Variants in TIMP2 observed in about 807,000 individuals in gnomAD.
The protein encoded by TIMP2 is TIMP metallopeptidase inhibitor 2.
TIMP2 carries 5 observed loss-of-function variants against 24.3 expected under a neutral mutation model. The ratio of observed to expected loss-of-function variants is 0.21; its 90% confidence interval spans 0.11 to 0.43. The LOEUF (loss-of-function observed/expected upper bound fraction) is 0.43. TIMP2 is among the 20% of genes least tolerant of loss of function. The pLI is 1.00. For synonymous variants in TIMP2, 130 were observed against 123.2 expected (o/e 1.06, Z -0.37); for missense variants, 221 against 297.5 (o/e 0.74, Z 1.89).
chr17:78,907,285 C>T (rs570107226), intron 1 of TIMP2, among the ~76,000 whole-genome samples: 62 of 152,318 alleles, frequency 4.1e-4, no homozygotes, highest in African/African-American at 1.4e-3. Flanking sequence ...ATCCTCCCGC[C>T]TCAGCCTCCC....
intron 1 of TIMP2, among the ~76,000 whole-genome samples, chr17:78,900,544 CAA>C (rs35575848): frequency 0.076 from 11,090 of 145,040 alleles, 462 homozygotes; most frequent in Middle Eastern, 0.12. Context: ...GACTCCATTT[CAA>C]AAAAAAAAAA....
At chr17:78,890,186 G>A (rs1252895062) in intron 1 of TIMP2, among the ~76,000 whole-genome samples, 2 of 151,438 alleles carry the variant, frequency 1.3e-5, no homozygotes, top group African/African-American at 2.4e-5. Context: ...CCTGGAGGAC[G>A]GTATAATGAC....
At chr17:78,867,727 C>T (rs2069630415) in intron 3 of TIMP2, among the ~76,000 whole-genome samples, 1 of 151,614 alleles carries the variant, frequency 6.6e-6, no homozygotes, top group Non-Finnish European at 1.5e-5. Context: ...TCTTGAGTAG[C>T]TGGGACTACA....
rs117323169 is a variant in TIMP2, at chr17:78,879,543, G to A, written c.131-5624C>T. ...CAGCCCATCTCCTGTCCATGCCCCC[G>A]AGAGGGGCTGCTCTGCTCCTCTGCC... On this transcript the variant is annotated intron_variant, in intron 1 of 4. Coordinates refer to ENST00000262768, the MANE Select transcript of TIMP2 (RefSeq NM_003255.5). Among the ~76,000 whole-genome samples the A allele has an allele frequency of 2.0e-3, 311 of 152,292 alleles. 6 individuals carry two copies. In the East Asian group the frequency reaches 0.051, roughly 25 times the overall value.
At position 78,920,061 on chromosome 17, in the gene TIMP2, C is replaced by G. The variant is rs1053854463; in HGVS notation, c.130+4898G>C. 3.9e-5 allele frequency among the ~76,000 whole-genome samples: 6 copies of G among 152,198 alleles called. No individual in the cohort carries two copies. Among genetic ancestry groups the G allele is most frequent in the Admixed American group, 3.9e-4 (6 of 15,272 alleles). Reference sequence around the variant, plus strand: ...TGCCTGGGAAGCCTCGGGCAGACCTCTTTGTTGTTTCCGAACCCAAGACGT... The same window carrying G: ...TGCCTGGGAAGCCTCGGGCAGACCTGTTTGTTGTTTCCGAACCCAAGACGT... On this transcript the variant is annotated intron_variant, in intron 1 of 4. Transcript: ENST00000262768. The surrounding 1 kb of genome is among the most constrained non-coding windows in gnomAD (Gnocchi z 4.5).
chr17:78,891,340 C>A lies in TIMP2; in HGVS notation c.131-17421G>T. On this transcript the variant is annotated intron_variant, in intron 1 of 4. Transcript: ENST00000262768. This position sits in a 1 kb window ranked among gnomAD's most constrained non-coding sequence, Gnocchi z 4.5. The stretch of plus-strand genomic sequence containing the variant: ...CTGCCATTTTCTTCCCTCTTGGGGT[C>A]CCAGCGCCACACTCTTGCATCTCTG... 6.5e-7 allele frequency: 1 copy of A among 1,546,808 alleles called. No individual in the cohort carries two copies. The highest frequency in any genetic ancestry group is 8.7e-7 in the Non-Finnish European group (1 of 1,146,874).
intron 1 of TIMP2, among the ~76,000 whole-genome samples, chr17:78,890,258 G>GTGGTGCAA (rs1433444160): frequency 8.8e-4 from 131 of 149,098 alleles, no homozygotes; most frequent in African/African-American, 3.2e-3. Context: ...CTGGAGTACA[G>GTGGTGCAA]TGGTGCAATC....
In TIMP2 at chr17:78,855,890, C is replaced by A; in HGVS notation, c.466-26G>T. On this transcript the variant is annotated intron_variant, in intron 4 of 4. Coordinates refer to ENST00000262768, the MANE Select transcript of TIMP2 (RefSeq NM_003255.5). The surrounding 1 kb of genome is among the most constrained non-coding windows in gnomAD (Gnocchi z 6.0). Reference sequence around the variant, plus strand: ...CTGGGGAGGGGCACACGGAGGGGGACGGAGTCAGGGACCCAGGAAGGGGTG... The same window carrying A: ...CTGGGGAGGGGCACACGGAGGGGGAAGGAGTCAGGGACCCAGGAAGGGGTG... 1 of 1,612,468 alleles carries A rather than the reference C, an allele frequency of 6.2e-7. No homozygotes were observed. Among genetic ancestry groups the A allele is most frequent in the Non-Finnish European group, 8.5e-7 (1 of 1,179,232 alleles).
chr17:78,857,855 A>G (rs1229599907), intron 3 of TIMP2, among the ~76,000 whole-genome samples: 2 of 150,262 alleles, frequency 1.3e-5, no homozygotes, highest in African/African-American at 2.5e-5. Context: ...GGATCTCTTG[A>G]GGCCAGGAGT....
chr17:78,891,660 C>T lies in TIMP2; in HGVS notation c.131-17741G>A, dbSNP rs1014469161. On this transcript the variant is annotated intron_variant, in intron 1 of 4. Transcript: ENST00000262768. This position sits in a 1 kb window ranked among gnomAD's most constrained non-coding sequence, Gnocchi z 4.5. ...GGAACAAAGCAAACTGCCCCCTTTC[C>T]CAGTTGCCTCCTCCCCGCCCGAGCT... The T allele has an allele frequency of 6.4e-7, 1 of 1,551,036 alleles. No homozygotes were observed. Among genetic ancestry groups the T allele is most frequent in the Non-Finnish European group, 8.7e-7 (1 of 1,147,108 alleles).
chr17:78,914,807 G>C (rs1599177021), intron 1 of TIMP2, among the ~76,000 whole-genome samples: 1 of 151,384 alleles, frequency 6.6e-6, no homozygotes, highest in East Asian at 2.0e-4. Context: ...GGCTGATCTG[G>C]AACTCCTGGG....
chr17:78,901,413 T>G (rs1036996321), intron 1 of TIMP2, among the ~76,000 whole-genome samples: 17 of 151,376 alleles, frequency 1.1e-4, no homozygotes, highest in African/African-American at 4.1e-4. Context: ...GAGGGAGAGG[T>G]GTGTCTTCCT....
In TIMP2 at chr17:78,854,921, C is replaced by CGGGGG. The variant is rs71161632; in HGVS notation, c.*741_*745dup. On this transcript the variant is annotated 3_prime_UTR_variant, in exon 5 of 5. Coordinates refer to ENST00000262768, the MANE Select transcript of TIMP2 (RefSeq NM_003255.5). Reference sequence around the variant, plus strand: ...TCCTGCAAGCTGGGGAGCATGTGGGCGGGGGGGGGGGGGTGGGGGGGTGGG... The same window carrying CGGGGG: ...TCCTGCAAGCTGGGGAGCATGTGGGCGGGGGGGGGGGGGGGGGGTGGGGGGGTGGG... The CGGGGG allele has an allele frequency of 1.8e-4, 7 of 39,084 alleles. No individual in the cohort carries two copies. Among genetic ancestry groups the CGGGGG allele is most frequent in the Non-Finnish European group, 2.1e-4 (4 of 19,164 alleles). 2.4% of individuals were successfully genotyped at this position (39,084 alleles called of 1,614,324 possible).
At chr17:78,888,870 A>G (rs16971814) in intron 1 of TIMP2, among the ~76,000 whole-genome samples, 1,581 of 152,322 alleles carry the variant, frequency 0.01, 24 homozygotes, top group African/African-American at 0.034. Flanking sequence ...CAAAATATAC[A>G]TAAGTAAGGC....
intron 1 of TIMP2, among the ~76,000 whole-genome samples, chr17:78,919,418 C>T (rs562656039): frequency 2.0e-5 from 3 of 152,360 alleles, no homozygotes; most frequent in East Asian, 3.9e-4. Flanking sequence ...GCTTAGAACA[C>T]CTGTGCACAC....
intron 3 of TIMP2, among the ~76,000 whole-genome samples, chr17:78,869,684 G>A (rs148809622): frequency 0.012 from 1,857 of 152,106 alleles, 45 homozygotes; most frequent in African/African-American, 0.042. Flanking sequence ...GTGTGGTGGC[G>A]TGTGCCTATA....
intron 3 of TIMP2, among the ~76,000 whole-genome samples, chr17:78,867,923 C>T (rs1250564324): frequency 6.6e-6 from 1 of 150,956 alleles, no homozygotes. Context: ...TAAGCATTCA[C>T]TTACTATTCA....
chr17:78,871,100 G>T, intron 2 of TIMP2, 94 bp from the exon 3 acceptor site: 1 of 998,872 alleles, frequency 1.0e-6, no homozygotes, highest in Non-Finnish European at 1.5e-6. Context: ...GGCACAACCT[G>T]TAGCTGGGGT....
intron 1 of TIMP2, chr17:78,892,362 C>T (rs1376222568): frequency 6.4e-7 from 1 of 1,550,542 alleles, no homozygotes; most frequent in African/African-American, 1.4e-5. Context: ...CCAGCAGATA[C>T]AGCTTCCCAG....
Sources: allele counts gnomAD v4.1 joint callset (sites outside exome capture counted in the v4.1 genomes callset), GRCh38; gene constraint gnomAD v4.1.1; non-coding constraint Gnocchi (gnomAD v3.1); transcripts MANE v1.5; gene names NCBI Gene and HGNC (gene_info 2026-07-23, HGNC 2026-07-21).